RALGAPA1: variants seen among roughly 807,000 people sequenced by gnomAD.
RALGAPA1 encodes the protein ral GTPase-activating protein subunit alpha-1.
A neutral mutation model predicts 269.6 loss-of-function variants in RALGAPA1; 52 were observed. That is an observed-to-expected ratio of 0.19 (90% CI 0.15 to 0.24). RALGAPA1 has a LOEUF of 0.24. Ranked by LOEUF, RALGAPA1 falls within the 10% of genes least tolerant of loss-of-function variation. The probability of loss-of-function intolerance (pLI) is 1.00; values close to 1 mark genes in which losing one functional copy is unlikely to be tolerated. For synonymous variants in RALGAPA1, 817 were observed against 1,008.3 expected (o/e 0.81, Z 3.60); for missense variants, 1,917 against 3,013.9 (o/e 0.64, Z 8.52).
chr14:35,567,270 AC>A (rs1323807058), intron 39 of RALGAPA1, among the ~76,000 whole-genome samples: 1 of 152,090 alleles, frequency 6.6e-6, no homozygotes, highest in Non-Finnish European at 1.5e-5. Context: ...GAAAAATCCA[AC>A]CCAATCGATC....
At chr14:35,737,935 A>C (rs2071176316) in intron 12 of RALGAPA1, among the ~76,000 whole-genome samples, 1 of 150,710 alleles carries the variant, frequency 6.6e-6, no homozygotes, top group South Asian at 2.1e-4. Flanking sequence ...TAAAAATACA[A>C]AAATTAGCTG....
intron 32 of RALGAPA1, 99 bp from the exon 33 acceptor site, chr14:35,634,856 G>T: frequency 8.6e-7 from 1 of 1,160,224 alleles, no homozygotes; most frequent in Admixed American, 3.1e-5. Context: ...CAAGAGCCTG[G>T]CAAAGATTTT....
intron 27 of RALGAPA1, among the ~76,000 whole-genome samples, chr14:35,662,148 G>A (rs2063578750): frequency 6.6e-6 from 1 of 152,156 alleles, no homozygotes; most frequent in Admixed American, 6.5e-5. Context: ...TGAGCAAACA[G>A]CTCATCTGAG....
intron 35 of RALGAPA1, among the ~76,000 whole-genome samples, chr14:35,624,253 AT>A (rs1356596229): frequency 8.1e-5 from 12 of 148,120 alleles, no homozygotes; most frequent in African/African-American, 3.0e-4. Context: ...TATAGATTAT[AT>A]TTTTGTTTTA....
intron 39 of RALGAPA1, among the ~76,000 whole-genome samples, chr14:35,559,715 G>T (rs2055994760): frequency 6.6e-6 from 1 of 152,168 alleles, no homozygotes; most frequent in South Asian, 2.1e-4. Flanking sequence ...TGGTGGTAAT[G>T]CTTTCTTTTG....
At chr14:35,738,727 T>C (rs2071273509) in intron 11 of RALGAPA1, 77 bp from the exon 12 acceptor site, 10 of 1,238,876 alleles carry the variant, frequency 8.1e-6, no homozygotes, top group South Asian at 3.1e-5. Context: ...AAAAGGTAAA[T>C]GAAATTGTTA....
At chr14:35,710,604 C>T (rs1248212014) in intron 16 of RALGAPA1, among the ~76,000 whole-genome samples, 1 of 152,120 alleles carries the variant, frequency 6.6e-6, no homozygotes, top group Non-Finnish European at 1.5e-5. Context: ...CTTGATAATT[C>T]TCCTTGCTCT....
At chr14:35,786,433 G>A (rs2141702918) in intron 1 of RALGAPA1, among the ~76,000 whole-genome samples, 1 of 152,020 alleles carries the variant, frequency 6.6e-6, no homozygotes, top group African/African-American at 2.4e-5. Context: ...AGGTCACGAG[G>A]TCAGAAGATC....
chr14:35,666,490 G>A (rs2140183855), intron 26 of RALGAPA1, among the ~76,000 whole-genome samples: 1 of 152,258 alleles, frequency 6.6e-6, no homozygotes, highest in African/African-American at 2.4e-5. Context: ...CTCCCAAAGT[G>A]TTGGGATTAC....
intron 27 of RALGAPA1, among the ~76,000 whole-genome samples, chr14:35,660,546 C>A (rs926737896): frequency 2.6e-5 from 4 of 151,920 alleles, no homozygotes; most frequent in Non-Finnish European, 4.4e-5. Context: ...CCACAGATTA[C>A]AGAATTATTA....
intron 39 of RALGAPA1, among the ~76,000 whole-genome samples, chr14:35,556,173 T>A (rs2055584399): frequency 6.6e-6 from 1 of 152,204 alleles, no homozygotes; most frequent in Admixed American, 6.5e-5. Context: ...ATAAGAATTT[T>A]ATTGAGACAT....
chr14:35,754,715 T>G (rs1008215172), intron 7 of RALGAPA1, among the ~76,000 whole-genome samples: 7 of 152,210 alleles, frequency 4.6e-5, no homozygotes, highest in Non-Finnish European at 8.8e-5. Flanking sequence ...TCTACTGTTA[T>G]TATGTCCACA....
intron 12 of RALGAPA1, among the ~76,000 whole-genome samples, chr14:35,731,837 C>CCTGG (rs1340848543): frequency 6.6e-6 from 1 of 150,884 alleles, no homozygotes; most frequent in African/African-American, 2.4e-5. Context: ...GGAAAGCTTC[C>CCTGG]CTGGCCTTGA....
rs759367876 is a variant in RALGAPA1, at chr14:35,627,438, A to T, written c.6509T>A (p.Phe2170Tyr). 6.2e-7 allele frequency: 1 copy of T among 1,613,526 alleles called. No individual in the cohort carries two copies. Among genetic ancestry groups the T allele is most frequent in the Non-Finnish European group, 8.5e-7 (1 of 1,179,886 alleles). ...KDGLSLQFKRFRETVPTWDTI... is the reference protein window; with the variant it reads ...KDGLSLQFKRYRETVPTWDTI... ...ATCCCAAGTTGGTACAGTTTCTCTA[A>T]ATCTTTTAAACTGGAGAGAAAGTCC... The change falls in exon 34 of 42, where the codon TTT (phenylalanine) becomes TAT (tyrosine). Residue 2170 changes from phenylalanine (F) to tyrosine (Y), a missense_variant. Coordinates refer to ENST00000680220, the MANE Select transcript of RALGAPA1 (RefSeq NM_001346249.2).
chr14:35,804,891 G>A (rs890111383), intron 1 of RALGAPA1, among the ~76,000 whole-genome samples: 1 of 151,964 alleles, frequency 6.6e-6, no homozygotes, highest in African/African-American at 2.4e-5. Flanking sequence ...TTTGCAACAC[G>A]GTACTCCAGC....
At chr14:35,625,725 G>A (rs1359121399) in intron 34 of RALGAPA1, among the ~76,000 whole-genome samples, 2 of 152,110 alleles carry the variant, frequency 1.3e-5, no homozygotes, top group Non-Finnish European at 2.9e-5. Flanking sequence ...AAAGTACTTT[G>A]TATTTCTTTT....
intron 5 of RALGAPA1, 78 bp from the exon 6 acceptor site, chr14:35,761,084 G>C: frequency 9.2e-7 from 1 of 1,084,034 alleles, no homozygotes; most frequent in South Asian, 1.8e-5. Context: ...AAGTTCTCTA[G>C]ATGATGACAA....
At chr14:35,693,420 T>G (rs2066653369) in intron 17 of RALGAPA1, among the ~76,000 whole-genome samples, 1 of 151,816 alleles carries the variant, frequency 6.6e-6, no homozygotes, top group Non-Finnish European at 1.5e-5. Context: ...ACAATTTAAT[T>G]ATGCTTCTTA....
At chr14:35,546,612 A>G (rs1393328923) in intron 41 of RALGAPA1, among the ~76,000 whole-genome samples, 1 of 152,048 alleles carries the variant, frequency 6.6e-6, no homozygotes, top group Non-Finnish European at 1.5e-5. Context: ...ACTATTTTAT[A>G]TACATAGGGT....
Sources: gnomAD v4.1 joint callset for allele counts (sites outside exome capture counted in the v4.1 genomes callset) on GRCh38, gnomAD v4.1.1 for gene constraint, MANE v1.5 for transcripts, NCBI Gene and HGNC (gene_info 2026-07-23, HGNC 2026-07-21) for gene names.